The following AUTS2 variants were observed in gnomAD, a reference collection of about 807,000 sequenced individuals.
The protein encoded by AUTS2 is autism susceptibility gene 2 protein.
A neutral mutation model predicts 112.4 loss-of-function variants in AUTS2; 17 were observed. The ratio of observed to expected loss-of-function variants is 0.15; its 90% CI spans 0.10 to 0.23. The LOEUF (loss-of-function observed/expected upper bound fraction) is 0.23, where lower values mean the gene tolerates loss of function less well. Among genes scored for constraint, AUTS2 ranks in the 10% least tolerant of loss-of-function variants. AUTS2 has a pLI of 1.00. For missense variants in AUTS2, 1,510 were observed against 1,701.6 expected, an observed-to-expected ratio of 0.89 and a Z score of 1.98; for synonymous variants, 751 against 702.7, an observed-to-expected ratio of 1.07 and a Z score of -1.09.
intron 5 of AUTS2, among the ~76,000 whole-genome samples, chr7:70,609,731 T>C (rs573383390): frequency 1.3e-5 from 2 of 152,248 alleles, no homozygotes; most frequent in African/African-American, 4.8e-5. Context: ...CCGGCCAGGA[T>C]TGTCCTCTTT....
In AUTS2 at chr7:70,731,816, C is replaced by T. The variant is rs544947189; in HGVS notation, c.743-31054C>T. ...TCCCCTTCCCCTCCGCCATCCCCCCCGCACAAATAGACAATTTTTTTCTGA... is the reference window on the plus strand; with the variant it reads ...TCCCCTTCCCCTCCGCCATCCCCCCTGCACAAATAGACAATTTTTTTCTGA... On this transcript the variant is annotated intron_variant, in intron 6 of 18. Transcript: ENST00000342771. Among the ~76,000 whole-genome samples, 28 of 152,080 alleles carry T rather than the reference C, an allele frequency of 1.8e-4. No individual in the cohort carries two copies. In the East Asian group the frequency reaches 4.8e-3, roughly 26 times the overall value.
chr7:69,774,028 T>C (rs1788787525), intron 1 of AUTS2, among the ~76,000 whole-genome samples: 3 of 152,216 alleles, frequency 2.0e-5, no homozygotes, highest in Admixed American at 2.0e-4. Context: ...GCCCTGCTTT[T>C]TCCACTCTAG....
chr7:69,602,914 C>T (rs1477083710), intron 1 of AUTS2, among the ~76,000 whole-genome samples: 1 of 152,204 alleles, frequency 6.6e-6, no homozygotes, highest in Non-Finnish European at 1.5e-5. Flanking sequence ...ATTAAAACCT[C>T]TGGTGGTCCA....
chr7:70,608,435 T>C (rs1350015695), intron 5 of AUTS2, among the ~76,000 whole-genome samples: 2 of 152,190 alleles, frequency 1.3e-5, no homozygotes, highest in African/African-American at 4.8e-5. Flanking sequence ...GACAAAAAAC[T>C]GGCATCCTGT....
chr7:69,734,013 A>G (rs1786918627), intron 1 of AUTS2, among the ~76,000 whole-genome samples: 1 of 152,178 alleles, frequency 6.6e-6, no homozygotes, highest in Admixed American at 6.5e-5. Context: ...TTATAATGCA[A>G]TAGCTCTGAG....
chr7:70,467,803 G>A (rs1367545940), intron 5 of AUTS2, among the ~76,000 whole-genome samples: 2 of 152,200 alleles, frequency 1.3e-5, no homozygotes, highest in Non-Finnish European at 2.9e-5. Flanking sequence ...CACTGCTAGA[G>A]GGACTGTGGT....
intron 4 of AUTS2, among the ~76,000 whole-genome samples, chr7:70,248,869 T>A (rs1813066222): frequency 6.6e-6 from 1 of 152,236 alleles, no homozygotes; most frequent in Non-Finnish European, 1.5e-5. Flanking sequence ...TTAATTCTGT[T>A]GTATACACCC....
intron 2 of AUTS2, among the ~76,000 whole-genome samples, chr7:70,038,423 A>G (rs549229360): frequency 6.6e-6 from 1 of 152,328 alleles, no homozygotes; most frequent in East Asian, 1.9e-4. Flanking sequence ...TGAGCTGGGC[A>G]TAACTGGTCA....
chr7:69,728,661 G>T (rs897830080), intron 1 of AUTS2, among the ~76,000 whole-genome samples: 18 of 146,988 alleles, frequency 1.2e-4, no homozygotes, highest in Non-Finnish European at 2.2e-4. Context: ...ATGCAGGCTG[G>T]TAGGTTGCTT....
At chr7:70,362,012 T>A (rs1014896718) in intron 4 of AUTS2, among the ~76,000 whole-genome samples, 2 of 152,114 alleles carry the variant, frequency 1.3e-5, no homozygotes, top group African/African-American at 4.8e-5. Flanking sequence ...GTCTACAAAG[T>A]GATTATTATG....
intron 5 of AUTS2, among the ~76,000 whole-genome samples, chr7:70,486,914 A>G: frequency 1.5e-5 from 2 of 137,742 alleles, no homozygotes; most frequent in Non-Finnish European, 1.6e-5. Flanking sequence ...CCCCCAAAAA[A>G]AAAGAAGAAA....
Position 70,603,183 on chromosome 7 carries a change from C to A in AUTS2, c.691-95386C>A, listed in dbSNP as rs558285487. ...CACAGATTGAAGGTGGCAAGGTGAG[C>A]AAAATTGGCATTTTGTCCCATTACC... is the stretch of plus-strand genomic sequence containing the variant. On this transcript the variant is annotated intron_variant, in intron 5 of 18. Transcript: ENST00000342771. Among the ~76,000 whole-genome samples the A allele has an allele frequency of 2.0e-5, 3 of 152,088 alleles. No homozygotes were observed. In the South Asian group the frequency reaches 6.2e-4, roughly 32 times the overall value.
chr7:69,773,485 A>T (rs1489324508), intron 1 of AUTS2, among the ~76,000 whole-genome samples: 1 of 151,672 alleles, frequency 6.6e-6, no homozygotes, highest in Non-Finnish European at 1.5e-5. Context: ...AAGCTTTAAG[A>T]AAAACCTTTT....
At chr7:70,013,821 G>A (rs1300963355) in intron 2 of AUTS2, among the ~76,000 whole-genome samples, 1 of 152,096 alleles carries the variant, frequency 6.6e-6, no homozygotes, top group Admixed American at 6.5e-5. Context: ...GGGTTCAAGC[G>A]ATTCCCCTGC....
chr7:70,657,972 G>A (rs1563107052), intron 5 of AUTS2, among the ~76,000 whole-genome samples: 1 of 152,058 alleles, frequency 6.6e-6, no homozygotes, highest in Non-Finnish European at 1.5e-5. Context: ...CTTTTTCCCT[G>A]TTCACACGGA....
At chr7:69,611,739 G>C (rs2129079674) in intron 1 of AUTS2, among the ~76,000 whole-genome samples, 1 of 150,598 alleles carries the variant, frequency 6.6e-6, no homozygotes, top group Admixed American at 6.6e-5. Context: ...GACCATCCTG[G>C]CTAACAAGGT....
In AUTS2 at chr7:70,367,555, C is replaced by CA. The variant is rs765864988; in HGVS notation, c.661-68183dup. ...TGGGAGACAGAGCGAGACTCTGTCT[C>CA]AAAAAAAAAAAAAATTGTAAAAAAT... On this transcript the variant is annotated intron_variant, in intron 4 of 18. Coordinates refer to ENST00000342771, the MANE Select transcript of AUTS2 (RefSeq NM_015570.4). Among the ~76,000 whole-genome samples, 388 of 100,484 alleles carry CA rather than the reference C, an allele frequency of 3.9e-3. 3 individuals carry two copies. Among genetic ancestry groups the CA allele is most frequent in the African/African-American group, 9.4e-3 (248 of 26,354 alleles). 65.9% of individuals were successfully genotyped at this position (100,484 alleles called of 152,430 possible).
At chr7:70,062,376 C>A (rs73442405) in intron 2 of AUTS2, among the ~76,000 whole-genome samples, 55,459 of 151,476 alleles carry the variant, frequency 0.37, 10,677 homozygotes, top group African/African-American at 0.48. Context: ...ATCTGGACAT[C>A]GTGGCACACG....
intron 4 of AUTS2, among the ~76,000 whole-genome samples, chr7:70,222,491 A>G (rs1385350420): frequency 6.6e-6 from 1 of 152,232 alleles, no homozygotes; most frequent in Non-Finnish European, 1.5e-5. Flanking sequence ...TTAAAATATT[A>G]TGAAACAATA....
Sources: allele counts gnomAD v4.1 joint callset (sites outside exome capture counted in the v4.1 genomes callset), GRCh38; gene constraint gnomAD v4.1.1; transcripts MANE v1.5; gene names NCBI Gene and HGNC (gene_info 2026-07-23, HGNC 2026-07-21).